Variants in KCNK9 observed in about 807,000 individuals in gnomAD.
KCNK9 encodes potassium channel subfamily K member 9.
In KCNK9, 1 loss-of-function variant was observed where a neutral mutation model predicts 10.8. That is an observed-to-expected ratio of 0.09 (90% CI 0.03 to 0.44). KCNK9 has a LOEUF of 0.44. KCNK9 is among the 20% of genes least tolerant of loss of function. KCNK9 has a pLI of 0.97. For synonymous variants in KCNK9, 231 were observed against 222.7 expected (o/e 1.04, Z -0.33); for missense variants, 303 against 515.0 (o/e 0.59, Z 3.98).
downstream of KCNK9, chr8:139,612,785 C>T: frequency 6.6e-6 from 1 of 152,082 alleles, no homozygotes; most frequent in South Asian, 2.1e-4. Context: ...GGCTGCTCGA[C>T]ATCAACGCTG....
intron 1 of KCNK9, among the ~76,000 whole-genome samples, chr8:139,630,595 C>T (rs115325194): frequency 0.012 from 1,806 of 152,348 alleles, 34 homozygotes; most frequent in African/African-American, 0.038. Context: ...CAATGGAAGG[C>T]CCGCGGAGTG....
At chr8:139,666,276 A>G (rs898977419) in intron 1 of KCNK9, among the ~76,000 whole-genome samples, 1 of 152,226 alleles carries the variant, frequency 6.6e-6, no homozygotes, top group African/African-American at 2.4e-5. Context: ...CCCCATCTGT[A>G]GAATGGAAGT....
At chr8:139,666,982 G>A (rs545367089) in intron 1 of KCNK9, among the ~76,000 whole-genome samples, 79 of 152,296 alleles carry the variant, frequency 5.2e-4, no homozygotes, top group African/African-American at 1.6e-3. Context: ...GCATTGCCAC[G>A]GCTGCCTCTG....
intron 1 of KCNK9, among the ~76,000 whole-genome samples, chr8:139,631,370 G>A (rs184197742): frequency 1.2e-4 from 18 of 152,270 alleles, no homozygotes; most frequent in Non-Finnish European, 2.5e-4. Flanking sequence ...CCCTTTGCGG[G>A]GTCAGTGGTA....
At chr8:139,651,043 T>C (rs926369664) in intron 1 of KCNK9, among the ~76,000 whole-genome samples, 10 of 152,166 alleles carry the variant, frequency 6.6e-5, no homozygotes, top group African/African-American at 2.4e-4. Context: ...GCCCACCCCC[T>C]TCTGCTTCTT....
At chr8:139,697,714 C>T (rs12678141) in intron 1 of KCNK9, among the ~76,000 whole-genome samples, 10,236 of 152,128 alleles carry the variant, frequency 0.067, 404 homozygotes, top group East Asian at 0.19. Context: ...CTGATTCCCA[C>T]CCCTCCTCAG....
At chr8:139,610,424 C>A (rs952494389), downstream of KCNK9, among the ~76,000 whole-genome samples, 2 of 152,220 alleles carry the variant, frequency 1.3e-5, no homozygotes, top group Non-Finnish European at 2.9e-5. Context: ...TTAAGAATTT[C>A]TTTTATACAG....
intron 1 of KCNK9, among the ~76,000 whole-genome samples, chr8:139,688,592 C>T (rs1297309416): frequency 3.8e-5 from 2 of 52,866 alleles, no homozygotes; most frequent in East Asian, 5.5e-4. Flanking sequence ...GGGATTACAA[C>T]TTGAGATGAA....
downstream of KCNK9, among the ~76,000 whole-genome samples, chr8:139,611,116 GC>G (rs1297044502): frequency 6.6e-6 from 1 of 152,218 alleles, no homozygotes; most frequent in Admixed American, 6.5e-5. Flanking sequence ...CAAGTCCAAT[GC>G]CCCCAGAGTA....
intron 1 of KCNK9, among the ~76,000 whole-genome samples, chr8:139,671,498 C>CT (rs1165839170): frequency 6.9e-6 from 1 of 145,054 alleles, no homozygotes; most frequent in Non-Finnish European, 1.5e-5. Context: ...GTTCATTCTT[C>CT]TTTTTTTAGT....
chr8:139,681,299 G>C (rs1252614203), intron 1 of KCNK9, among the ~76,000 whole-genome samples: 1 of 152,078 alleles, frequency 6.6e-6, no homozygotes, highest in Non-Finnish European at 1.5e-5. Context: ...CTCCTCTCCC[G>C]AGCACACCGC....
chr8:139,622,205 C>A (rs528864259), intron 1 of KCNK9, among the ~76,000 whole-genome samples: 1 of 152,176 alleles, frequency 6.6e-6, no homozygotes, highest in Non-Finnish European at 1.5e-5. Context: ...AGATGAACAG[C>A]GCTGAGGTTC....
chr8:139,637,760 TACACACAC>T (rs34018499), intron 1 of KCNK9, among the ~76,000 whole-genome samples: 28 of 146,098 alleles, frequency 1.9e-4, no homozygotes, highest in Non-Finnish European at 9.0e-5. Flanking sequence ...ATTCCTACTC[TACACACAC>T]ACACACACAC....
chr8:139,619,541 A>G (rs551959883), intron 1 of KCNK9, among the ~76,000 whole-genome samples: 2 of 152,364 alleles, frequency 1.3e-5, no homozygotes, highest in African/African-American at 4.8e-5. Context: ...CTCTATGTCC[A>G]CTATGGATTG....
At chr8:139,608,385 C>T (rs1285681901), downstream of KCNK9, among the ~76,000 whole-genome samples, 1 of 152,238 alleles carries the variant, frequency 6.6e-6, no homozygotes, top group African/African-American at 2.4e-5. Context: ...CCCCCCAATC[C>T]TTCCAGAACA....
At position 139,659,235 on chromosome 8, in the gene KCNK9, G is replaced by A. The variant is rs137999935; in HGVS notation, c.284-40136C>T. On this transcript the variant is annotated intron_variant, in intron 1 of 1. Transcript: ENST00000520439. Reference sequence around the variant, plus strand: ...TAAAGGTCCCTCACTTGCTAGGGGTGGCTCCAGGCTGGAGTCCTGACCCCC... The same window carrying A: ...TAAAGGTCCCTCACTTGCTAGGGGTAGCTCCAGGCTGGAGTCCTGACCCCC... 3.5e-3 allele frequency among the ~76,000 whole-genome samples: 527 copies of A among 152,304 alleles called. 7 individuals are homozygous for A. In the East Asian group the frequency reaches 0.046, roughly 13 times the overall value.
intron 1 of KCNK9, among the ~76,000 whole-genome samples, chr8:139,644,594 A>T (rs1815613166): frequency 6.6e-6 from 1 of 152,148 alleles, no homozygotes; most frequent in African/African-American, 2.4e-5. Flanking sequence ...AGAGATGAGG[A>T]AAGTGAGGTT....
At chr8:139,616,478 CA>C (rs2130098323), downstream of KCNK9, 1 of 152,306 alleles carries the variant, frequency 6.6e-6, no homozygotes, top group African/African-American at 2.4e-5. Context: ...GGGGAAATTT[CA>C]ACATGGGATG....
At chr8:139,652,391 T>C (rs1053934614) in intron 1 of KCNK9, among the ~76,000 whole-genome samples, 3 of 152,232 alleles carry the variant, frequency 2.0e-5, no homozygotes, top group Non-Finnish European at 2.9e-5. Context: ...ATCATGGCTC[T>C]GGGATTCTGT....
Sources: allele counts gnomAD v4.1 joint callset (sites outside exome capture counted in the v4.1 genomes callset), GRCh38; gene constraint gnomAD v4.1.1; transcripts MANE v1.5; gene names NCBI Gene and HGNC (gene_info 2026-07-23, HGNC 2026-07-21).